The following CCDC91 variants were observed in gnomAD, a reference collection of about 807,000 sequenced individuals.
CCDC91 encodes the protein coiled-coil domain containing 91, also known as coiled-coil domain-containing protein 91.
In CCDC91, 48 loss-of-function variants were observed where a neutral mutation model predicts 63.2. The ratio of observed to expected loss-of-function variants is 0.76; its 90% CI spans 0.60 to 0.97. The LOEUF (loss-of-function observed/expected upper bound fraction) is 0.97, where lower values mean the gene tolerates loss of function less well. Among genes scored for constraint, CCDC91 ranks in the 50% least tolerant of loss-of-function variants. The probability of loss-of-function intolerance (pLI) is 0.00; values close to 1 mark genes in which losing one functional copy is unlikely to be tolerated. For synonymous variants in CCDC91, 167 were observed against 165.8 expected (o/e 1.01, Z -0.06); for missense variants, 500 against 494.6 (o/e 1.01, Z -0.10).
rs932922314 is a variant in CCDC91 at position 28,364,173 on chromosome 12, G to T, written c.654+1658G>T. Among the ~76,000 whole-genome samples, 2 of 152,070 alleles carry T rather than the reference G, an allele frequency of 1.3e-5. 1 individual carries two copies. Among genetic ancestry groups the T allele is most frequent in the South Asian group, 4.1e-4 (2 of 4,834 alleles). Reference sequence around the variant, plus strand: ...GGCCGAAGTGGGTGGATCACCTGAGGTCGGGGGTTCCAGACCAGCCTGGCC... The same window carrying T: ...GGCCGAAGTGGGTGGATCACCTGAGTTCGGGGGTTCCAGACCAGCCTGGCC... On this transcript the variant is annotated intron_variant, in intron 7 of 12. Coordinates refer to ENST00000536442, the MANE Select transcript of CCDC91 (RefSeq NM_018318.5).
intron 12 of CCDC91, among the ~76,000 whole-genome samples, chr12:28,504,584 T>C (rs1302930481): frequency 2.6e-5 from 4 of 151,908 alleles, no homozygotes; most frequent in Admixed American, 2.0e-4. Flanking sequence ...TGAACTCTTA[T>C]CAACTCTTGC....
chr12:28,530,168 A>G (rs1331388177), intron 12 of CCDC91, among the ~76,000 whole-genome samples: 1 of 152,196 alleles, frequency 6.6e-6, no homozygotes, highest in Non-Finnish European at 1.5e-5. Context: ...TGTGATGGTT[A>G]TGACATTGCA....
intron 8 of CCDC91, among the ~76,000 whole-genome samples, chr12:28,447,280 C>T: frequency 6.6e-6 from 1 of 151,946 alleles, no homozygotes; most frequent in Middle Eastern, 3.4e-3. Flanking sequence ...ATGCTATATA[C>T]TATAGAGTTC....
chr12:28,412,041 A>T (rs947066884), intron 8 of CCDC91, among the ~76,000 whole-genome samples: 1 of 152,176 alleles, frequency 6.6e-6, no homozygotes, highest in Non-Finnish European at 1.5e-5. Context: ...TAGATGCACA[A>T]ATAGTTACTA....
chr12:28,227,420 C>T (rs1367270371), intron 1 of CCDC91, among the ~76,000 whole-genome samples: 1 of 152,008 alleles, frequency 6.6e-6, no homozygotes, highest in Non-Finnish European at 1.5e-5. Flanking sequence ...TATGTTTATC[C>T]TAGCGATTCT....
intron 12 of CCDC91, among the ~76,000 whole-genome samples, chr12:28,495,619 C>T (rs945103407): frequency 6.6e-6 from 1 of 151,696 alleles, no homozygotes; most frequent in Non-Finnish European, 1.5e-5. Context: ...CTGACTTTTA[C>T]CTTTCGAGGA....
chr12:28,443,229 A>G (rs2140246395), intron 8 of CCDC91, among the ~76,000 whole-genome samples: 1 of 150,044 alleles, frequency 6.7e-6, no homozygotes, highest in South Asian at 2.1e-4. Context: ...CCAGAAAAGG[A>G]GTCCTAGGCA....
At position 28,335,952 on chromosome 12, in the gene CCDC91, T is replaced by TA. The variant is rs76089745; in HGVS notation, c.577-26477dup. Among the ~76,000 whole-genome samples, 359 of 150,132 alleles carry TA rather than the reference T, an allele frequency of 2.4e-3. 2 individuals are homozygous for TA. The highest frequency in any genetic ancestry group is 7.9e-3 in the African/African-American group (325 of 40,948). On this transcript the variant is annotated intron_variant, in intron 6 of 12. Transcript: ENST00000536442. ...AAAAGTTTGGACTGTTTTTTTTTTT[T>TA]AAAAAAAAACCACACAATTTTTTAT...
At position 28,549,249 on chromosome 12, in the gene CCDC91, G is replaced by A. The variant is rs1321654294; in HGVS notation, c.*76G>A. ...CAAAATACACACTCTGAATTATAAAGATGTGTTTGTTTTCTTTCCAAATCA... is the reference window on the plus strand; with the variant it reads ...CAAAATACACACTCTGAATTATAAAAATGTGTTTGTTTTCTTTCCAAATCA... On this transcript the variant is annotated 3_prime_UTR_variant, in exon 13 of 13. Coordinates refer to ENST00000536442, the MANE Select transcript of CCDC91 (RefSeq NM_018318.5). 9.9e-6 allele frequency: 8 copies of A among 806,312 alleles called. No homozygotes were observed. The African/African-American group carries it at 1.0e-4, about 10-fold the overall frequency. The allele number at this position is 806,312 out of a possible 1,614,324, so 49.9% of individuals were successfully genotyped here. A position where few individuals can be genotyped will look rare whatever the true frequency, so the allele number is the denominator to read the frequency against.
At chr12:28,407,975 T>TTA in intron 8 of CCDC91, among the ~76,000 whole-genome samples, 2 of 150,550 alleles carry the variant, frequency 1.3e-5, no homozygotes, top group East Asian at 1.9e-4. Flanking sequence ...TTTTTTTTAT[T>TTA]TTTTATTTTA....
At chr12:28,209,037 ACCT>A (rs930112414) in intron 1 of CCDC91, among the ~76,000 whole-genome samples, 68 of 151,784 alleles carry the variant, frequency 4.5e-4, no homozygotes, top group Non-Finnish European at 1.9e-4. Flanking sequence ...TGATCTCCTG[ACCT>A]CATGATCTGC....
intron 8 of CCDC91, among the ~76,000 whole-genome samples, chr12:28,431,976 C>T (rs1173344534): frequency 6.6e-6 from 1 of 151,994 alleles, no homozygotes; most frequent in Non-Finnish European, 1.5e-5. Flanking sequence ...TATTTGGAAC[C>T]ATACAATATG....
chr12:28,264,016 C>G (rs1428702979), intron 3 of CCDC91, among the ~76,000 whole-genome samples: 1 of 150,530 alleles, frequency 6.6e-6, no homozygotes, highest in East Asian at 2.0e-4. Flanking sequence ...GCTCAATTAA[C>G]TTTCCTGGTC....
At chr12:28,279,812 T>A (rs1337648358) in intron 3 of CCDC91, among the ~76,000 whole-genome samples, 4 of 152,312 alleles carry the variant, frequency 2.6e-5, no homozygotes, top group Middle Eastern at 6.8e-3. Context: ...TTTTTCTTTC[T>A]GTAAAGCATA....
intron 12 of CCDC91, among the ~76,000 whole-genome samples, chr12:28,485,581 C>T (rs915335046): frequency 7.2e-5 from 11 of 152,216 alleles, no homozygotes; most frequent in African/African-American, 2.6e-4. Context: ...TAAAAACTTC[C>T]TAAGTAGTCT....
At chr12:28,432,608 C>T (rs1376031739) in intron 8 of CCDC91, among the ~76,000 whole-genome samples, 4 of 152,034 alleles carry the variant, frequency 2.6e-5, no homozygotes, top group Non-Finnish European at 4.4e-5. Context: ...TTCTTTATAG[C>T]AGTGTAAAAA....
chr12:28,366,864 A>C (rs1189450907), intron 7 of CCDC91, among the ~76,000 whole-genome samples: 1 of 152,010 alleles, frequency 6.6e-6, no homozygotes, highest in Non-Finnish European at 1.5e-5. Flanking sequence ...GCCTGGTGGG[A>C]AGCTGAACTC....
chr12:28,256,444 TA>T (rs1378947252), intron 1 of CCDC91, among the ~76,000 whole-genome samples: 1 of 151,740 alleles, frequency 6.6e-6, no homozygotes, highest in Non-Finnish European at 1.5e-5. Flanking sequence ...TTTTTTTTTT[TA>T]AAGCCCTGAT....
In CCDC91 at chr12:28,414,955, A is replaced by G. The variant is rs551821826; in HGVS notation, c.762+23544A>G. Among the ~76,000 whole-genome samples, 4 of 152,300 alleles carry G rather than the reference A, an allele frequency of 2.6e-5. No individual in the cohort carries two copies. In the South Asian group the frequency reaches 8.3e-4, roughly 32 times the overall value. ...TGTTTAATGCATTAACACTTTCATC[A>G]TATTGAAAATTAAACTCTTTCTTTC... On this transcript the variant is annotated intron_variant, in intron 8 of 12. Transcript: ENST00000536442.
Sources: gnomAD v4.1 joint callset for allele counts (sites outside exome capture counted in the v4.1 genomes callset) on GRCh38, gnomAD v4.1.1 for gene constraint, MANE v1.5 for transcripts, NCBI Gene and HGNC (gene_info 2026-07-23, HGNC 2026-07-21) for gene names.